The following ITSN1 variants were observed in gnomAD, a reference collection of about 807,000 sequenced individuals.
ITSN1 encodes intersectin-1.
Under a neutral mutation model 239.8 loss-of-function variants are expected in ITSN1, and 58 were observed. The ratio of observed to expected loss-of-function variants is 0.24; its 90% CI spans 0.20 to 0.30. The LOEUF (loss-of-function observed/expected upper bound fraction) is 0.30, where lower values mean the gene tolerates loss of function less well. Among genes scored for constraint, ITSN1 ranks in the 10% least tolerant of loss-of-function variants. ITSN1 has a pLI of 1.00. For synonymous variants in ITSN1, 780 were observed against 770.8 expected, an observed-to-expected ratio of 1.01 and a Z score of -0.20; for missense variants, 1,558 against 2,103.3, an observed-to-expected ratio of 0.74 and a Z score of 5.07.
chr21:33,830,108 T>C (rs2074205082), intron 27 of ITSN1, among the ~76,000 whole-genome samples: 1 of 152,228 alleles, frequency 6.6e-6, no homozygotes, highest in South Asian at 2.1e-4. Context: ...AGAGCAGATT[T>C]CTTTGCATTC....
At chr21:33,719,546 G>A (rs1472965276) in intron 2 of ITSN1, among the ~76,000 whole-genome samples, 1 of 152,140 alleles carries the variant, frequency 6.6e-6, no homozygotes, top group Non-Finnish European at 1.5e-5. Context: ...ATAGTCTTTA[G>A]ACATTTCTTG....
chr21:33,654,309 G>T (rs569558853), intron 1 of ITSN1, among the ~76,000 whole-genome samples: 1 of 150,910 alleles, frequency 6.6e-6, no homozygotes, highest in Non-Finnish European at 1.5e-5. Context: ...TCTCGCCTCA[G>T]CCTCCCCAAG....
chr21:33,779,841 C>CTT lies in ITSN1; in HGVS notation c.1597-1611_1597-1610dup, dbSNP rs570839307. 2.9e-3 allele frequency among the ~76,000 whole-genome samples: 434 copies of CTT among 148,698 alleles called. 2 individuals carry two copies. The highest frequency in any genetic ancestry group is 0.01 in the African/African-American group (422 of 40,680). On this transcript the variant is annotated intron_variant, in intron 14 of 39. Transcript: ENST00000381318. ...CCTTTTTAAAGTATATTTTTCTTTTCTTTTTTTTTTGAGACAAAGTCTCAC... is the reference window on the plus strand; with the variant it reads ...CCTTTTTAAAGTATATTTTTCTTTTCTTTTTTTTTTTTGAGACAAAGTCTCAC...
intron 34 of ITSN1, among the ~76,000 whole-genome samples, chr21:33,877,672 T>C (rs1984161781): frequency 6.6e-6 from 1 of 152,186 alleles, no homozygotes; most frequent in African/African-American, 2.4e-5. Flanking sequence ...CACCTGTTTC[T>C]GCACCCTATG....
intron 22 of ITSN1, chr21:33,817,188 C>A: frequency 7.9e-7 from 1 of 1,262,444 alleles, no homozygotes. Flanking sequence ...TGGTTTAATG[C>A]TATAGCTTAA....
intron 10 of ITSN1, 45 bp from the exon 11 acceptor site, chr21:33,767,668 G>T: frequency 8.8e-7 from 1 of 1,140,260 alleles, no homozygotes. Context: ...ACTCCACCCA[G>T]ACAGCTCTGT....
chr21:33,748,775 C>T (rs568373558), intron 5 of ITSN1, among the ~76,000 whole-genome samples: 12 of 151,760 alleles, frequency 7.9e-5, no homozygotes, highest in Middle Eastern at 3.4e-3. Context: ...TGAGCTGGGA[C>T]GATCGCTTGA....
At chr21:33,645,784 T>C (rs938399487) in intron 1 of ITSN1, among the ~76,000 whole-genome samples, 4 of 152,232 alleles carry the variant, frequency 2.6e-5, no homozygotes, top group African/African-American at 9.6e-5. Flanking sequence ...TTCTCCTGCA[T>C]AGGGAAGTTG....
intron 1 of ITSN1, among the ~76,000 whole-genome samples, chr21:33,656,164 A>G (rs1030131852): frequency 6.6e-6 from 1 of 152,144 alleles, no homozygotes; most frequent in Non-Finnish European, 1.5e-5. Context: ...ACCAAGGGAA[A>G]CGTGTACTCT....
intron 34 of ITSN1, among the ~76,000 whole-genome samples, chr21:33,878,883 T>C (rs1984443067): frequency 6.6e-6 from 1 of 152,216 alleles, no homozygotes; most frequent in Non-Finnish European, 1.5e-5. Context: ...GAGGAGCTTA[T>C]GGTCCAGGAG....
chr21:33,688,609 G>A (rs1436309627), intron 1 of ITSN1, among the ~76,000 whole-genome samples: 2 of 152,122 alleles, frequency 1.3e-5, no homozygotes, highest in Non-Finnish European at 2.9e-5. Flanking sequence ...ATGAACATCA[G>A]TTTCCAATAG....
intron 1 of ITSN1, among the ~76,000 whole-genome samples, chr21:33,665,555 C>G (rs897850215): frequency 6.6e-5 from 10 of 152,028 alleles, no homozygotes; most frequent in African/African-American, 2.4e-4. Flanking sequence ...AGCATGGTGC[C>G]ACAGCTGTGT....
chr21:33,830,370 A>G lies in ITSN1; in HGVS notation c.3351+625A>G, dbSNP rs553356733. ...TTTTCAGTAGGAGCAGAAAATGTGC[A>G]TGGTCTTGAAGTGACCCCCACAGAT... is the stretch of plus-strand genomic sequence containing the variant. On this transcript the variant is annotated intron_variant, in intron 27 of 39. Transcript: ENST00000381318. Among the ~76,000 whole-genome samples the G allele has an allele frequency of 5.9e-5, 9 of 152,332 alleles. No individual in the cohort carries two copies. The South Asian group carries it at 1.9e-3, about 32-fold the overall frequency.
intron 1 of ITSN1, among the ~76,000 whole-genome samples, chr21:33,710,071 A>ATT (rs869125255): frequency 1.2e-4 from 17 of 139,466 alleles, no homozygotes; most frequent in African/African-American, 3.7e-4. Flanking sequence ...GCTGAGAGGC[A>ATT]TTTTTTTTTG....
chr21:33,886,635 G>A (rs540321346), intron 39 of ITSN1, among the ~76,000 whole-genome samples, 175 bp downstream of exon 39: 16 of 152,294 alleles, frequency 1.1e-4, no homozygotes, highest in Admixed American at 3.9e-4. Flanking sequence ...TTCTGGAGGC[G>A]TCTCATTGCA....
intron 22 of ITSN1, 176 bp downstream of exon 22, chr21:33,814,248 TG>T (rs1237692631): frequency 6.2e-5 from 7 of 113,246 alleles, no homozygotes; most frequent in Non-Finnish European, 1.0e-4. Context: ...AGTTGGGAGT[TG>T]GGGGTGGGGG....
rs555437853 is a variant in ITSN1, at chr21:33,774,124, A to G, written c.1306-605A>G. 4.6e-5 allele frequency among the ~76,000 whole-genome samples: 7 copies of G among 152,352 alleles called. No homozygotes were observed. The South Asian group carries it at 1.0e-3, about 23-fold the overall frequency. ...ATTATTTAATAGACATTTACCATGT[A>G]TCAGGTGTAGTTGGATGACCCATGA... On this transcript the variant is annotated intron_variant, in intron 12 of 39. Transcript: ENST00000381318.
chr21:33,721,148 T>C, intron 2 of ITSN1, 30 bp from the exon 3 acceptor site: 3 of 1,477,286 alleles, frequency 2.0e-6, no homozygotes, highest in Non-Finnish European at 2.8e-6. Flanking sequence ...TCTCACTGAA[T>C]AATTTGTTTG....
intron 29 of ITSN1, among the ~76,000 whole-genome samples, chr21:33,855,910 T>C (rs1979231252): frequency 6.6e-6 from 1 of 152,186 alleles, no homozygotes; most frequent in Non-Finnish European, 1.5e-5. Flanking sequence ...CCCAGGACCA[T>C]CAGAGCCTCA....
Sources: allele counts gnomAD v4.1 joint callset (sites outside exome capture counted in the v4.1 genomes callset), GRCh38; gene constraint gnomAD v4.1.1; transcripts MANE v1.5; gene names NCBI Gene and HGNC (gene_info 2026-07-23, HGNC 2026-07-21).